Variants in FRY observed in about 807,000 individuals in gnomAD.
The protein encoded by FRY is FRY microtubule binding protein.
In FRY, 128 loss-of-function variants were observed where a neutral mutation model predicts 348.4. The ratio of observed to expected loss-of-function variants is 0.37; its 90% confidence interval spans 0.32 to 0.43. The LOEUF is 0.43. Among genes scored for constraint, FRY ranks in the 20% least tolerant of loss-of-function variants. The pLI is 1.00. For synonymous variants in FRY, 1,370 were observed against 1,374.7 expected (o/e 1.00, Z 0.08); for missense variants, 2,736 against 3,695.2 (o/e 0.74, Z 6.73).
At chr13:32,215,777 C>T (rs1325631490) in intron 35 of FRY, among the ~76,000 whole-genome samples, 1 of 152,080 alleles carries the variant, frequency 6.6e-6, no homozygotes, top group African/African-American at 2.4e-5. Context: ...ACTATGTTGC[C>T]CAGGCTGGTC....
chr13:32,045,291 G>A (rs904061259), intron 1 of FRY, among the ~76,000 whole-genome samples: 1 of 152,002 alleles, frequency 6.6e-6, no homozygotes, highest in Non-Finnish European at 1.5e-5. Context: ...TTTCTTCCTC[G>A]AATGACATCT....
At chr13:32,273,800 C>T (rs554787762) in intron 55 of FRY, among the ~76,000 whole-genome samples, 2 of 152,286 alleles carry the variant, frequency 1.3e-5, no homozygotes, top group East Asian at 3.9e-4. Flanking sequence ...TTTCACCAGT[C>T]TGACAAACAC....
At chr13:32,267,893 A>T (rs573043759) in intron 55 of FRY, among the ~76,000 whole-genome samples, 1 of 152,328 alleles carries the variant, frequency 6.6e-6, no homozygotes, top group South Asian at 2.1e-4. Context: ...AAATGGGAAC[A>T]TGCCGCCTAC....
chr13:32,173,602 AT>A, intron 19 of FRY, 53 bp downstream of exon 19: 1 of 1,322,062 alleles, frequency 7.6e-7, no homozygotes, highest in Non-Finnish European at 1.1e-6. Flanking sequence ...CTCTTCTGAA[AT>A]TTAGATTAAA....
chr13:32,137,481 G>A (rs1012038442), intron 11 of FRY, among the ~76,000 whole-genome samples: 2 of 152,212 alleles, frequency 1.3e-5, no homozygotes, highest in African/African-American at 4.8e-5. Flanking sequence ...CTTCTTTCTT[G>A]TCACTGTCAT....
chr13:32,198,193 A>G (rs978625232), intron 29 of FRY, among the ~76,000 whole-genome samples: 1 of 152,234 alleles, frequency 6.6e-6, no homozygotes, highest in Non-Finnish European at 1.5e-5. Context: ...TACAAGGTCA[A>G]GTGCATGGCC....
intron 3 of FRY, among the ~76,000 whole-genome samples, chr13:32,114,392 G>A (rs1177741371): frequency 6.6e-6 from 1 of 152,154 alleles, no homozygotes; most frequent in Non-Finnish European, 1.5e-5. Flanking sequence ...AAAGGAGATT[G>A]CAAAGGATAT....
chr13:32,058,388 A>T (rs1361479534), intron 1 of FRY, among the ~76,000 whole-genome samples: 3 of 152,250 alleles, frequency 2.0e-5, no homozygotes, highest in African/African-American at 7.2e-5. Context: ...GATCATCAGT[A>T]AATATTAATT....
At chr13:32,291,406 T>C (rs954230152) in intron 59 of FRY, among the ~76,000 whole-genome samples, 3 of 151,404 alleles carry the variant, frequency 2.0e-5, no homozygotes, top group African/African-American at 4.8e-5. Flanking sequence ...TTTTCTTTTT[T>C]TTTTTTTTCT....
At chr13:32,269,926 T>C (rs1397259186) in intron 55 of FRY, among the ~76,000 whole-genome samples, 1 of 152,180 alleles carries the variant, frequency 6.6e-6, no homozygotes, top group Non-Finnish European at 1.5e-5. Flanking sequence ...GGAGTCTTAC[T>C]TGTAGTGCTC....
chr13:32,069,009 G>A (rs915035623), intron 1 of FRY, among the ~76,000 whole-genome samples: 14 of 150,794 alleles, frequency 9.3e-5, no homozygotes, highest in African/African-American at 2.7e-4. Context: ...TCCGCCTGCC[G>A]GGTTCACGCC....
chr13:32,044,379 G>A lies in FRY; in HGVS notation c.70+12514G>A, dbSNP rs577943157. Among the ~76,000 whole-genome samples the A allele has an allele frequency of 2.0e-5, 3 of 152,270 alleles. No individual in the cohort carries two copies. The East Asian group carries it at 5.8e-4, about 29-fold the overall frequency. On this transcript the variant is annotated intron_variant, in intron 1 of 60. Transcript: ENST00000542859. ...CCTCCCTAAGCTAGGTATCGCAATG[G>A]TTAAATAAGAATAGCTAGCATTCAT...
chr13:32,125,015 G>A, intron 7 of FRY, 140 bp downstream of exon 7: 2 of 734,166 alleles, frequency 2.7e-6, no homozygotes, highest in Non-Finnish European at 5.0e-6. Flanking sequence ...CTCTGAAACT[G>A]AATAGAAAGC....
intron 4 of FRY, among the ~76,000 whole-genome samples, chr13:32,120,535 T>C (rs1165024815): frequency 1.3e-5 from 2 of 152,182 alleles, no homozygotes; most frequent in Admixed American, 6.6e-5. Flanking sequence ...GGTTCTTTAG[T>C]GGTTATTTGT....
intron 55 of FRY, 129 bp from the exon 56 acceptor site, chr13:32,274,713 A>AG: frequency 1.8e-6 from 1 of 565,116 alleles, no homozygotes; most frequent in Admixed American, 3.2e-5. Context: ...CAAAAAAAAA[A>AG]AAAAAAAAAA....
rs369024913 is a variant in FRY, at chr13:32,295,380, G to A, written c.8962G>A (p.Asp2988Asn). Residue 2988 changes from aspartate (D) to asparagine (N), a missense_variant, in exon 61 of 61, where the codon GAC becomes AAC. By Grantham distance (23) the Asp-to-Asn change is conservative. This residue lies in a region of FRY where 157 missense variants were observed against 215.2 expected (regional missense o/e 0.73). Transcript: ENST00000542859. ...GATGGAGCTGAACATGGAGATCCGG[G>A]ACATGATCCGCAGGGCCCAGAGTTA... ...KLMELNMEIR[D>N]MIRRAQSYRV... 13 of 1,613,254 alleles carry A rather than the reference G, an allele frequency of 8.1e-6. No individual in the cohort carries two copies. The African/African-American group carries it at 1.6e-4, about 20-fold the overall frequency.
At chr13:32,261,929 A>G in intron 52 of FRY, 113 bp downstream of exon 52, 1 of 979,954 alleles carries the variant, frequency 1.0e-6, no homozygotes, top group Admixed American at 2.0e-5. Flanking sequence ...CTGAACTAAA[A>G]TCGGAACTGT....
intron 3 of FRY, among the ~76,000 whole-genome samples, chr13:32,116,430 C>T (rs761906835): frequency 2.0e-5 from 3 of 152,070 alleles, no homozygotes; most frequent in South Asian, 2.1e-4. Flanking sequence ...TCCCTTATCA[C>T]GATCTTAACT....
chr13:32,185,044 C>T lies in FRY; in HGVS notation c.3215C>T (p.Thr1072Ile). The change falls in exon 26 of 61, where the codon ACC (threonine) becomes ATC (isoleucine). Residue 1072 changes from threonine to isoleucine, a missense_variant. Physicochemically the swap from Thr to Ile is moderately conservative, Grantham distance 89. Coordinates refer to ENST00000542859, the MANE Select transcript of FRY (RefSeq NM_023037.3). Reference sequence around the variant, plus strand: ...TTGTTCTTAGAATATGTGGACTTGACCCGCATGCTCCTAGAAGCTGAAAAT... The same window carrying T: ...TTGTTCTTAGAATATGTGGACTTGATCCGCATGCTCCTAGAAGCTGAAAAT... The part of the protein sequence containing the change: ...GALFLEYVDL[T>I]RMLLEAENDK... The T allele has an allele frequency of 1.2e-6, 2 of 1,613,424 alleles. No homozygotes were observed. Among genetic ancestry groups the T allele is most frequent in the Non-Finnish European group, 1.7e-6 (2 of 1,179,406 alleles).
Sources: gnomAD v4.1 joint callset for allele counts (sites outside exome capture counted in the v4.1 genomes callset) on GRCh38, gnomAD v4.1.1 for gene constraint, gnomAD v4.1.1 regional missense constraint, MANE v1.5 for transcripts, NCBI Gene and HGNC (gene_info 2026-07-23, HGNC 2026-07-21) for gene names.